Variants in SPAG16 observed in about 807,000 individuals in gnomAD.
SPAG16 encodes the protein sperm associated antigen 16, also known as sperm-associated antigen 16 protein.
A neutral mutation model predicts 80.4 loss-of-function variants in SPAG16; 86 were observed. The ratio of observed to expected loss-of-function variants is 1.07; its 90% CI spans 0.90 to 1.28. The LOEUF (loss-of-function observed/expected upper bound fraction) is 1.28, where lower values mean the gene tolerates loss of function less well. Among genes scored for constraint, SPAG16 ranks in the 50% most tolerant of loss-of-function variants. SPAG16 has a pLI of 0.00. For missense variants in SPAG16, 870 were observed against 765.3 expected (o/e 1.14, Z -1.61); for synonymous variants, 294 against 265.9 (o/e 1.11, Z -1.03).
At chr2:214,054,170 C>T (rs577874319) in intron 13 of SPAG16, among the ~76,000 whole-genome samples, 5 of 152,154 alleles carry the variant, frequency 3.3e-5, no homozygotes, top group Admixed American at 2.0e-4. Flanking sequence ...CCCCCATACC[C>T]GGCTAATTTT....
At chr2:214,407,562 A>G (rs754277667) in intron 15 of SPAG16, among the ~76,000 whole-genome samples, 8 of 152,140 alleles carry the variant, frequency 5.3e-5, no homozygotes, top group Non-Finnish European at 7.4e-5. Context: ...TCAGATGACA[A>G]GTGATTTGCA....
chr2:214,167,426 G>C (rs1229230362), intron 15 of SPAG16, among the ~76,000 whole-genome samples: 4 of 152,036 alleles, frequency 2.6e-5, no homozygotes, highest in African/African-American at 9.7e-5. Context: ...ATGCCCATGA[G>C]CCAACAAATT....
intron 15 of SPAG16, among the ~76,000 whole-genome samples, chr2:214,268,224 CA>C (rs1691729461): frequency 6.6e-6 from 1 of 151,786 alleles, no homozygotes; most frequent in Non-Finnish European, 1.5e-5. Context: ...GGTGGTATTG[CA>C]AATTAATACA....
At chr2:213,323,256 T>C (rs566225078) in intron 5 of SPAG16, among the ~76,000 whole-genome samples, 7 of 152,144 alleles carry the variant, frequency 4.6e-5, no homozygotes, top group East Asian at 1.9e-4. Flanking sequence ...CTGGCTAACA[T>C]GGTGAAACCC....
At chr2:213,896,613 C>CACAT (rs1553657402) in intron 11 of SPAG16, among the ~76,000 whole-genome samples, 9 of 141,444 alleles carry the variant, frequency 6.4e-5, no homozygotes, top group African/African-American at 2.1e-4. Context: ...CACACACACA[C>CACAT]ACATAGATAT....
At chr2:214,322,818 TCACGCTGGGAAG>T (rs1393682818) in intron 15 of SPAG16, among the ~76,000 whole-genome samples, 1 of 152,158 alleles carries the variant, frequency 6.6e-6, no homozygotes, top group Non-Finnish European at 1.5e-5. Context: ...AACCTTACAA[TCACGCTGGGAAG>T]CAGCAGCCAG....
chr2:213,836,894 A>G (rs577120049), intron 10 of SPAG16, among the ~76,000 whole-genome samples: 4 of 152,166 alleles, frequency 2.6e-5, no homozygotes, highest in Non-Finnish European at 2.9e-5. Flanking sequence ...GATTACAGGC[A>G]TGAGCCACCA....
chr2:213,759,532 T>C (rs963391858), intron 10 of SPAG16, among the ~76,000 whole-genome samples: 1 of 152,034 alleles, frequency 6.6e-6, no homozygotes, highest in Admixed American at 6.6e-5. Flanking sequence ...AGTTTTTATA[T>C]ATTATTGCAG....
chr2:213,408,504 G>A (rs1325460830), intron 9 of SPAG16, among the ~76,000 whole-genome samples: 1 of 152,190 alleles, frequency 6.6e-6, no homozygotes, highest in East Asian at 1.9e-4. Context: ...TAAAGTATGG[G>A]GCTATTCTGT....
chr2:213,678,048 TAA>T (rs2064183471), intron 10 of SPAG16, among the ~76,000 whole-genome samples: 1 of 151,864 alleles, frequency 6.6e-6, no homozygotes, highest in Admixed American at 6.6e-5. Context: ...AAGGCAGAAA[TAA>T]AGATGTTCTT....
intron 9 of SPAG16, among the ~76,000 whole-genome samples, chr2:213,486,810 G>T (rs1352032043): frequency 1.3e-5 from 2 of 151,960 alleles, no homozygotes; most frequent in Admixed American, 6.6e-5. Flanking sequence ...TAAATAAGTG[G>T]AGTATGAAAC....
At chr2:213,521,570 C>G (rs1461495928) in intron 10 of SPAG16, among the ~76,000 whole-genome samples, 1 of 152,134 alleles carries the variant, frequency 6.6e-6, no homozygotes, top group Non-Finnish European at 1.5e-5. Flanking sequence ...GTATGTCGTG[C>G]ACTTCTAGGT....
chr2:214,388,669 A>G (rs1700896020), intron 15 of SPAG16, among the ~76,000 whole-genome samples: 1 of 152,164 alleles, frequency 6.6e-6, no homozygotes, highest in South Asian at 2.1e-4. Flanking sequence ...GCAATAATGC[A>G]CTACTTTTAA....
At chr2:213,672,396 T>C (rs1197987874) in intron 10 of SPAG16, among the ~76,000 whole-genome samples, 1 of 152,058 alleles carries the variant, frequency 6.6e-6, no homozygotes, top group Non-Finnish European at 1.5e-5. Context: ...TTTCTATCCT[T>C]CCTTTCTCTT....
chr2:213,334,328 A>G (rs2064247394), intron 5 of SPAG16, among the ~76,000 whole-genome samples: 1 of 152,184 alleles, frequency 6.6e-6, no homozygotes, highest in African/African-American at 2.4e-5. Flanking sequence ...GGATATGGAG[A>G]AAAGGGAACC....
chr2:214,338,655 T>C (rs2126025830), intron 15 of SPAG16, among the ~76,000 whole-genome samples: 1 of 152,338 alleles, frequency 6.6e-6, no homozygotes, highest in South Asian at 2.1e-4. Context: ...TAAATAAGGA[T>C]GCTCCATAAT....
intron 14 of SPAG16, among the ~76,000 whole-genome samples, chr2:214,125,409 G>A (rs1167623253): frequency 2.0e-5 from 3 of 151,562 alleles, no homozygotes; most frequent in Non-Finnish European, 2.9e-5. Context: ...TACCTAAAAT[G>A]GTAAAAACAG....
intron 9 of SPAG16, among the ~76,000 whole-genome samples, chr2:213,379,832 G>A (rs565352252): frequency 5.3e-5 from 8 of 152,272 alleles, no homozygotes; most frequent in East Asian, 3.9e-4. Context: ...GGGCCCATGC[G>A]TAACCTCCAT....
At chr2:213,819,941 G>GTT (rs71063785) in intron 10 of SPAG16, among the ~76,000 whole-genome samples, 2,440 of 132,088 alleles carry the variant, frequency 0.018, 60 homozygotes, top group African/African-American at 0.046. Flanking sequence ...AATTTTTCGT[G>GTT]TTTTTTTTTT....
Sources: allele counts gnomAD v4.1 joint callset (sites outside exome capture counted in the v4.1 genomes callset), GRCh38; gene constraint gnomAD v4.1.1; transcripts MANE v1.5; gene names NCBI Gene and HGNC (gene_info 2026-07-23, HGNC 2026-07-21).